Variants in PCDHGB1 observed in about 807,000 individuals in gnomAD.
PCDHGB1 encodes protocadherin gamma subfamily B, 1.
Under a neutral mutation model 56.6 loss-of-function variants are expected in PCDHGB1, and 34 were observed. The observed-to-expected ratio is 0.60, with a 90% CI of 0.46 to 0.80. The LOEUF (loss-of-function observed/expected upper bound fraction) is 0.80, where lower values mean the gene tolerates loss of function less well. Among genes scored for constraint, PCDHGB1 ranks in the 30% least tolerant of loss-of-function variants. PCDHGB1 has a pLI of 0.00. For synonymous variants in PCDHGB1, 561 were observed against 505.9 expected, an observed-to-expected ratio of 1.11 and a Z score of -1.46; for missense variants, 1,278 against 1,204.6, an observed-to-expected ratio of 1.06 and a Z score of -0.90.
intron 1 of PCDHGB1, among the ~76,000 whole-genome samples, chr5:141,406,226 A>G (rs888434232): frequency 4.6e-5 from 7 of 152,108 alleles, no homozygotes; most frequent in African/African-American, 1.7e-4. Flanking sequence ...TGGGAGGGCT[A>G]GCAAGCTATG....
In PCDHGB1 at chr5:141,408,237, G is replaced by C. The variant is rs1445060280; in HGVS notation, c.2409+55568G>C. 3.2e-6 allele frequency: 5 copies of C among 1,575,002 alleles called. No individual in the cohort carries two copies. In the South Asian group the frequency reaches 4.6e-5, roughly 14 times the overall value. On this transcript the variant is annotated intron_variant, in intron 1 of 3. Transcript: ENST00000523390. ...AGCTGCGCGCAGAGGCGCCGGGCCG[G>C]CCCGCGGCAGGTGCTATTTCCTTTG...
intron 1 of PCDHGB1, chr5:141,428,009 A>G (rs778602169): frequency 3.7e-6 from 6 of 1,602,358 alleles, no homozygotes; most frequent in African/African-American, 2.7e-5. Context: ...TCTTCGATAT[A>G]GTGCCACGCG....
intron 1 of PCDHGB1, chr5:141,399,930 C>G (rs1168427748): frequency 6.2e-7 from 1 of 1,612,208 alleles, no homozygotes. Context: ...CCTGGCTGTC[C>G]TACCACGTGC....
At chr5:141,356,618 C>T (rs1431984672) in intron 1 of PCDHGB1, 3 of 1,614,090 alleles carry the variant, frequency 1.9e-6, no homozygotes, top group Admixed American at 3.3e-5. Context: ...TCCATCTTAT[C>T]TATGACTGCT....
intron 1 of PCDHGB1, among the ~76,000 whole-genome samples, chr5:141,368,835 T>C (rs1765886415): frequency 6.6e-6 from 1 of 152,190 alleles, no homozygotes; most frequent in African/African-American, 2.4e-5. Flanking sequence ...CTTGGCATTG[T>C]GTTGGAAGGC....
At chr5:141,500,475 C>T (rs1193752670) in intron 2 of PCDHGB1, among the ~76,000 whole-genome samples, 1 of 152,024 alleles carries the variant, frequency 6.6e-6, no homozygotes, top group African/African-American at 2.4e-5. Flanking sequence ...TCCCAAAGTG[C>T]TGGGATTACA....
chr5:141,422,453 G>A, intron 1 of PCDHGB1: 3 of 1,611,704 alleles, frequency 1.9e-6, no homozygotes, highest in Non-Finnish European at 2.5e-6. Context: ...ATAACAAGCA[G>A]AGTGCTGGAC....
intron 1 of PCDHGB1, chr5:141,422,369 G>A (rs890803753): frequency 6.4e-7 from 1 of 1,566,400 alleles, no homozygotes; most frequent in Non-Finnish European, 8.6e-7. Flanking sequence ...GGAGAAAATG[G>A]TCAAGTCTCC....
At chr5:141,393,192 A>G in intron 1 of PCDHGB1, 2 of 1,613,468 alleles carry the variant, frequency 1.2e-6, no homozygotes, top group Non-Finnish European at 1.7e-6. Flanking sequence ...AATTGATATT[A>G]ACGATAATAA....
chr5:141,456,678 T>C (rs2098875796), intron 1 of PCDHGB1, among the ~76,000 whole-genome samples: 1 of 152,152 alleles, frequency 6.6e-6, no homozygotes, highest in South Asian at 2.1e-4. Flanking sequence ...TAAAAATGCA[T>C]TACTGGCCAG....
Position 141,388,879 on chromosome 5 carries a change from A to C in PCDHGB1, c.2409+36210A>C, listed in dbSNP as rs771776263. 3 of 1,613,956 alleles carry C rather than the reference A, an allele frequency of 1.9e-6. No individual in the cohort carries two copies. In the East Asian group the frequency reaches 6.7e-5, roughly 36 times the overall value. ...GGAATGATTGCGCAATGCACAGTGG[A>C]GGTAGAAGTCATAGATGAAAATGAC... On this transcript the variant is annotated intron_variant, in intron 1 of 3. Transcript: ENST00000523390.
At chr5:141,442,759 A>G (rs2098341868) in intron 1 of PCDHGB1, among the ~76,000 whole-genome samples, 1 of 152,152 alleles carries the variant, frequency 6.6e-6, no homozygotes, top group Non-Finnish European at 1.5e-5. Flanking sequence ...GATTATATAT[A>G]TTTGTATGTG....
intron 1 of PCDHGB1, among the ~76,000 whole-genome samples, chr5:141,457,920 C>T (rs1340816332): frequency 6.6e-6 from 1 of 150,868 alleles, no homozygotes; most frequent in Non-Finnish European, 1.5e-5. Flanking sequence ...GCCAGTTCTC[C>T]CCAAGGGGCT....
intron 1 of PCDHGB1, chr5:141,354,921 A>G: frequency 2.4e-6 from 1 of 414,074 alleles, no homozygotes; most frequent in Non-Finnish European, 4.2e-6. Flanking sequence ...TGTATAAAAA[A>G]TAAACTTTTT....
rs946434728 is a variant in PCDHGB1, at chr5:141,428,357, C to A, written c.2410-66450C>A. On this transcript the variant is annotated intron_variant, in intron 1 of 3. Coordinates refer to ENST00000523390, the MANE Select transcript of PCDHGB1 (RefSeq NM_018922.3). ...CTCTTCTTCCTCGCAGTGATTTTGG[C>A]GGTCGCCTTGCACCTGCGATGCTCT... is the stretch of plus-strand genomic sequence containing the variant. The A allele has an allele frequency of 1.2e-5, 7 of 565,506 alleles. No individual in the cohort carries two copies. The East Asian group carries it at 2.0e-4, about 16-fold the overall frequency. The allele number at this position is 565,506 out of a possible 1,614,324, so 35.0% of individuals were successfully genotyped here.
intron 1 of PCDHGB1, among the ~76,000 whole-genome samples, chr5:141,363,275 A>G (rs987748998): frequency 6.6e-6 from 1 of 152,224 alleles, no homozygotes; most frequent in African/African-American, 2.4e-5. Flanking sequence ...TTGCTTTTGA[A>G]TTTCCTAATT....
chr5:141,451,797 C>T (rs1207473455), intron 1 of PCDHGB1, among the ~76,000 whole-genome samples: 1 of 152,006 alleles, frequency 6.6e-6, no homozygotes, highest in African/African-American at 2.4e-5. Context: ...CAGAGAATTG[C>T]TTGAACCCAG....
At position 141,432,225 on chromosome 5, in the gene PCDHGB1, A is replaced by T; in HGVS notation, c.2410-62582A>T. On this transcript the variant is annotated intron_variant, in intron 1 of 3. Transcript: ENST00000523390. This position sits in a 1 kb window ranked among gnomAD's most constrained non-coding sequence, Gnocchi z 6.0. ...TGTGAAGAGAACGCCCAGATCACTT[A>T]TTCCCTGGCTGAGAACACCATCCAA... The T allele has an allele frequency of 1.2e-6, 2 of 1,614,206 alleles. No individual in the cohort carries two copies. Among genetic ancestry groups the T allele is most frequent in the South Asian group, 2.2e-5 (2 of 91,080 alleles).
chr5:141,400,547 CT>C (rs765907405), intron 1 of PCDHGB1: 1 of 1,613,676 alleles, frequency 6.2e-7, no homozygotes, highest in East Asian at 2.2e-5. Context: ...TATGTCTATT[CT>C]TTTTCATTAC....
Sources: allele counts gnomAD v4.1 joint callset (sites outside exome capture counted in the v4.1 genomes callset), GRCh38; gene constraint gnomAD v4.1.1; non-coding constraint Gnocchi (gnomAD v3.1); transcripts MANE v1.5; gene names NCBI Gene and HGNC (gene_info 2026-07-23, HGNC 2026-07-21).